The following INSC variants were observed in gnomAD, a reference collection of about 807,000 sequenced individuals.
INSC encodes protein inscuteable homolog.
Under a neutral mutation model 58.6 loss-of-function variants are expected in INSC, and 67 were observed. The observed-to-expected ratio is 1.14, with a 90% confidence interval of 0.94 to 1.40. The LOEUF is 1.40. Among genes scored for constraint, INSC ranks in the 40% most tolerant of loss-of-function variants. INSC has a pLI of 0.00. For synonymous variants in INSC, 262 were observed against 276.1 expected (o/e 0.95, Z 0.51); for missense variants, 714 against 692.0 (o/e 1.03, Z -0.36).
At chr11:15,158,410 T>G (rs1176190621) in intron 2 of INSC, among the ~76,000 whole-genome samples, 1 of 152,076 alleles carries the variant, frequency 6.6e-6, no homozygotes, top group African/African-American at 2.4e-5. Context: ...TTTGACCATA[T>G]GCCTCTGGGC....
chr11:15,230,005 ATATATAT>A (rs1851849411), intron 9 of INSC, among the ~76,000 whole-genome samples: 1 of 25,934 alleles, frequency 3.9e-5, no homozygotes, highest in African/African-American at 1.7e-4. Context: ...ATATATATAT[ATATATAT>A]AATATATATA....
chr11:15,205,677 G>T (rs1188645922), intron 7 of INSC, among the ~76,000 whole-genome samples: 1 of 152,140 alleles, frequency 6.6e-6, no homozygotes, highest in African/African-American at 2.4e-5. Flanking sequence ...GGGTGGTCCA[G>T]GGGGGATGAG....
chr11:15,262,453 GC>G, the INSC span, among the ~76,000 whole-genome samples: 14 of 152,100 alleles, frequency 9.2e-5, no homozygotes, highest in Admixed American at 4.6e-4. Flanking sequence ...CCGAAGAGAA[GC>G]CCCCAGCAAA....
intron 7 of INSC, among the ~76,000 whole-genome samples, chr11:15,203,640 A>T (rs78323706): frequency 0.032 from 4,815 of 152,320 alleles, 82 homozygotes; most frequent in East Asian, 0.074. Context: ...CATTCAGCAA[A>T]TATTTACTAT....
At chr11:15,228,639 A>C (rs1424796331) in intron 9 of INSC, among the ~76,000 whole-genome samples, 1 of 152,182 alleles carries the variant, frequency 6.6e-6, no homozygotes, top group Admixed American at 6.5e-5. Flanking sequence ...TGCCCCCTAA[A>C]ATACTTAGGA....
chr11:15,266,646 A>G, the INSC span, among the ~76,000 whole-genome samples: 1 of 152,136 alleles, frequency 6.6e-6, no homozygotes, highest in South Asian at 2.1e-4. Flanking sequence ...CCAAGATTGT[A>G]GTTGTACCCA....
At chr11:15,212,412 C>T (rs1564906409) in intron 7 of INSC, among the ~76,000 whole-genome samples, 4 of 152,216 alleles carry the variant, frequency 2.6e-5, no homozygotes, top group South Asian at 4.2e-4. Context: ...GAATTACAGG[C>T]GTGAGCCACT....
chr11:15,196,995 C>A (rs1016459749), intron 6 of INSC, among the ~76,000 whole-genome samples: 3 of 152,214 alleles, frequency 2.0e-5, no homozygotes, highest in African/African-American at 7.2e-5. Flanking sequence ...CTTCCTTTCT[C>A]TCACCAACCT....
chr11:15,197,163 C>T (rs896455338), intron 6 of INSC, among the ~76,000 whole-genome samples: 2 of 152,180 alleles, frequency 1.3e-5, no homozygotes, highest in African/African-American at 4.8e-5. Flanking sequence ...TTCAAGGTCA[C>T]ACACATGAAA....
intron 1 of INSC, among the ~76,000 whole-genome samples, chr11:15,116,857 C>A (rs867588581): frequency 8.1e-5 from 4 of 49,652 alleles, no homozygotes; most frequent in Non-Finnish European, 1.2e-4. Flanking sequence ...TTCTCTCTCT[C>A]TCTCTCTCTC....
At chr11:15,229,985 A>AATAC (rs1564917350) in intron 9 of INSC, among the ~76,000 whole-genome samples, 4 of 24,848 alleles carry the variant, frequency 1.6e-4, no homozygotes, top group African/African-American at 7.0e-4. Context: ...TATATTATAT[A>AATAC]TATATATATA....
At chr11:15,156,794 G>T (rs1166223060) in intron 2 of INSC, among the ~76,000 whole-genome samples, 1 of 152,114 alleles carries the variant, frequency 6.6e-6, no homozygotes. Flanking sequence ...CTCCCTTTTT[G>T]TTATGTGGGT....
chr11:15,112,651 G>GT (rs199734160), upstream of INSC: 763 of 485,600 alleles, frequency 1.6e-3, 114 homozygotes, highest in African/African-American at 0.014. Context: ...GGGAAGTGGG[G>GT]GGGGGGCATT....
chr11:15,233,366 C>T (rs2133963912), intron 9 of INSC, among the ~76,000 whole-genome samples: 1 of 152,274 alleles, frequency 6.6e-6, no homozygotes, highest in East Asian at 1.9e-4. Context: ...AAACAGCTGT[C>T]CCTAAAATCC....
At chr11:15,253,162 A>C in the INSC span, among the ~76,000 whole-genome samples, 74,382 of 152,076 alleles carry the variant, frequency 0.49, 18,734 homozygotes, top group East Asian at 0.85. Flanking sequence ...TAAAAGGAAA[A>C]TGCAACAAAC....
intron 6 of INSC, among the ~76,000 whole-genome samples, chr11:15,193,050 A>G (rs1850238544): frequency 6.6e-6 from 1 of 152,248 alleles, no homozygotes; most frequent in Non-Finnish European, 1.5e-5. Flanking sequence ...TGCAGGGCAT[A>G]TAACTATCAA....
chr11:15,200,823 G>A lies in INSC; in HGVS notation c.694-1G>A. 3 of 1,614,072 alleles carry A rather than the reference G, an allele frequency of 1.9e-6. No homozygotes were observed. In the South Asian group the frequency reaches 3.3e-5, roughly 18 times the overall value. ...GATGTGACATTTCTTTCTCTTGGCA[G>A]GAGGGTGGGGTCGTAGCACTCTTCA... On this transcript the variant is annotated splice_acceptor_variant, in intron 6 of 12. Coordinates refer to ENST00000379556, the MANE Select transcript of INSC (RefSeq NM_001042536.3). LOFTEE classifies it high-confidence loss of function.
At chr11:15,198,583 C>T (rs1429405498) in intron 6 of INSC, among the ~76,000 whole-genome samples, 1 of 152,054 alleles carries the variant, frequency 6.6e-6, no homozygotes, top group Non-Finnish European at 1.5e-5. Flanking sequence ...ATCTCTCTCT[C>T]TCTCATCTAT....
chr11:15,129,298 C>G (rs1190482703), intron 1 of INSC, among the ~76,000 whole-genome samples: 1 of 152,066 alleles, frequency 6.6e-6, no homozygotes, highest in Non-Finnish European at 1.5e-5. Flanking sequence ...ATTCCAGGGT[C>G]AATATCCCAC....
Sources: allele counts gnomAD v4.1 joint callset (sites outside exome capture counted in the v4.1 genomes callset), GRCh38; gene constraint gnomAD v4.1.1; transcripts MANE v1.5; gene names NCBI Gene and HGNC (gene_info 2026-07-23, HGNC 2026-07-21).